Variants in CREB5 observed in about 807,000 individuals in gnomAD.
CREB5 encodes cAMP responsive element binding protein 5, also known as cyclic AMP-responsive element-binding protein 5.
CREB5 carries 19 observed loss-of-function variants against 57.1 expected under a neutral mutation model. The observed-to-expected ratio is 0.33, with a 90% CI of 0.23 to 0.49. CREB5 has a LOEUF of 0.49. Among genes scored for constraint, CREB5 ranks in the 20% least tolerant of loss-of-function variants. The pLI is 0.99. For missense variants in CREB5, 579 were observed against 671.6 expected, an observed-to-expected ratio of 0.86 and a Z score of 1.52; for synonymous variants, 238 against 238.3, an observed-to-expected ratio of 1.00 and a Z score of 0.01.
intron 5 of CREB5, among the ~76,000 whole-genome samples, chr7:28,714,126 T>G (rs1179292334): frequency 6.6e-6 from 1 of 151,850 alleles, no homozygotes; most frequent in Non-Finnish European, 1.5e-5. Context: ...CCTGGCTAGT[T>G]TTTGTGTATT....
At chr7:28,487,539 C>T (rs1791616856) in intron 1 of CREB5, among the ~76,000 whole-genome samples, 1 of 152,180 alleles carries the variant, frequency 6.6e-6, no homozygotes, top group Admixed American at 6.5e-5. Flanking sequence ...CTACTTACTC[C>T]TGCGTACTTG....
At chr7:28,321,618 G>A (rs1258096698) in intron 1 of CREB5, among the ~76,000 whole-genome samples, 2 of 152,152 alleles carry the variant, frequency 1.3e-5, no homozygotes, top group East Asian at 1.9e-4. Flanking sequence ...TTTGCCAGGG[G>A]TGAGGTGACA....
At chr7:28,771,132 T>C (rs1806299762) in intron 7 of CREB5, among the ~76,000 whole-genome samples, 1 of 152,218 alleles carries the variant, frequency 6.6e-6, no homozygotes, top group South Asian at 2.1e-4. Context: ...ACTAATTAGT[T>C]TCTTTCTTTG....
intron 5 of CREB5, among the ~76,000 whole-genome samples, chr7:28,712,707 T>C (rs1284992763): frequency 6.6e-6 from 1 of 151,616 alleles, no homozygotes; most frequent in East Asian, 2.0e-4. Flanking sequence ...CTAATTTTTG[T>C]ATTTTTAGCA....
chr7:28,760,467 T>G (rs1322339090), intron 7 of CREB5, among the ~76,000 whole-genome samples: 1 of 152,216 alleles, frequency 6.6e-6, no homozygotes, highest in African/African-American at 2.4e-5. Flanking sequence ...CCAAAGTTTT[T>G]TCTTCAACCG....
chr7:28,561,001 TGTGC>T lies in CREB5; in HGVS notation c.292-9360_292-9357del, dbSNP rs1430087467. On this transcript the variant is annotated intron_variant, in intron 4 of 10. Coordinates refer to ENST00000357727, the MANE Select transcript of CREB5 (RefSeq NM_182898.4). ...GTGTGCGTGCGTGTGTGTGCCTGCG[TGTGC>T]GTGTGTGTGTGCGTGTGTGCGTGTG... Among the ~76,000 whole-genome samples the T allele has an allele frequency of 2.2e-3, 56 of 25,264 alleles. 10 individuals carry two copies. Among genetic ancestry groups the T allele is most frequent in the African/African-American group, 4.7e-3 (35 of 7,430 alleles). 16.6% of individuals were successfully genotyped at this position (25,264 alleles called of 152,430 possible).
chr7:28,560,957 T>TGTGTGCGTGCGTGCGC lies in CREB5; in HGVS notation c.292-9405_292-9404insTGCGTGCGTGCGCGTG, dbSNP rs1562798107. On this transcript the variant is annotated intron_variant, in intron 4 of 10. Coordinates refer to ENST00000357727, the MANE Select transcript of CREB5 (RefSeq NM_182898.4). Reference sequence around the variant, plus strand: ...GTGTGCGTGCGTGTGTGTGCGTGTGTGTGCGTGTGTGTGTGCGTGTGTGCG... The same window carrying TGTGTGCGTGCGTGCGC: ...GTGTGCGTGCGTGTGTGTGCGTGTGTGTGTGCGTGCGTGCGCGTGCGTGTGTGTGTGCGTGTGTGCG... Among the ~76,000 whole-genome samples, 3 of 43,452 alleles carry TGTGTGCGTGCGTGCGC rather than the reference T, an allele frequency of 6.9e-5. No homozygotes were observed. The Admixed American group carries it at 7.5e-4, about 11-fold the overall frequency. 28.5% of individuals were successfully genotyped at this position (43,452 alleles called of 152,430 possible). A position where few individuals can be genotyped will look rare whatever the true frequency, so the allele number is the denominator to read the frequency against.
At chr7:28,557,357 A>T (rs1794920651) in intron 4 of CREB5, among the ~76,000 whole-genome samples, 1 of 152,246 alleles carries the variant, frequency 6.6e-6, no homozygotes, top group Non-Finnish European at 1.5e-5. Context: ...AGGGGATTAT[A>T]TACGAAAATG....
chr7:28,677,287 G>T (rs562524303), intron 5 of CREB5, among the ~76,000 whole-genome samples: 30 of 152,112 alleles, frequency 2.0e-4, no homozygotes, highest in African/African-American at 6.8e-4. Context: ...AATCTCTGGG[G>T]AGTTTTGCTT....
chr7:28,432,022 T>C (rs941243303), intron 1 of CREB5, among the ~76,000 whole-genome samples: 1 of 151,332 alleles, frequency 6.6e-6, no homozygotes, highest in African/African-American at 2.4e-5. Flanking sequence ...TTGTTGATTC[T>C]GATCGAATTA....
At chr7:28,771,001 A>G (rs558813522) in intron 7 of CREB5, among the ~76,000 whole-genome samples, 80 of 152,350 alleles carry the variant, frequency 5.3e-4, no homozygotes, top group African/African-American at 1.8e-3. Context: ...CAAAATATAT[A>G]TGATAGCAAA....
intron 5 of CREB5, among the ~76,000 whole-genome samples, chr7:28,673,765 T>C (rs953824838): frequency 1.4e-5 from 2 of 146,356 alleles, no homozygotes; most frequent in Non-Finnish European, 3.0e-5. Flanking sequence ...CTCCACCTAC[T>C]TAGGCTCAAG....
intron 3 of CREB5, among the ~76,000 whole-genome samples, chr7:28,499,585 C>G (rs1389110750): frequency 6.6e-6 from 1 of 152,032 alleles, no homozygotes; most frequent in East Asian, 1.9e-4. Context: ...AACCGTGTGT[C>G]TTTTTGTTTT....
At chr7:28,621,211 G>A (rs957548310) in intron 5 of CREB5, among the ~76,000 whole-genome samples, 8 of 151,984 alleles carry the variant, frequency 5.3e-5, no homozygotes, top group African/African-American at 1.9e-4. Context: ...GGGGTCACAG[G>A]GCATCCACAT....
At chr7:28,327,845 A>T (rs899862445) in intron 1 of CREB5, among the ~76,000 whole-genome samples, 3 of 152,224 alleles carry the variant, frequency 2.0e-5, no homozygotes, top group Non-Finnish European at 4.4e-5. Flanking sequence ...TGTGTGGCAG[A>T]TAAGATGGCT....
chr7:28,783,859 C>CTT (rs1807142259), intron 7 of CREB5, among the ~76,000 whole-genome samples: 1 of 152,234 alleles, frequency 6.6e-6, no homozygotes, highest in South Asian at 2.1e-4. Context: ...CATAGATTTT[C>CTT]TTAAACAAGC....
At chr7:28,363,965 G>A (rs1786537020) in intron 1 of CREB5, among the ~76,000 whole-genome samples, 2 of 152,160 alleles carry the variant, frequency 1.3e-5, no homozygotes, top group Admixed American at 6.6e-5. Context: ...ATTTACAAGA[G>A]CAGTGTTTGT....
In CREB5 at chr7:28,340,354, G is replaced by T. The variant is rs148742139; in HGVS notation, c.-25+40913G>T. 6.8e-3 allele frequency among the ~76,000 whole-genome samples: 1,038 copies of T among 152,320 alleles called. 13 individuals carry two copies. The highest frequency in any genetic ancestry group is 0.017 in the Admixed American group (265 of 15,302). ...GACCCAACAACTCTTTAGTCAGCAG[G>T]TGATAAATTCTGCCAGGACTGGGTG... On this transcript the variant is annotated intron_variant, in intron 1 of 9. Transcript: ENST00000396299.
At chr7:28,450,651 C>G (rs1177407247) in intron 1 of CREB5, among the ~76,000 whole-genome samples, 1 of 152,172 alleles carries the variant, frequency 6.6e-6, no homozygotes, top group Non-Finnish European at 1.5e-5. Flanking sequence ...GTTTTCACCC[C>G]CTGCTCTCTG....
Sources: allele counts gnomAD v4.1 joint callset (sites outside exome capture counted in the v4.1 genomes callset), GRCh38; gene constraint gnomAD v4.1.1; transcripts MANE v1.5; gene names NCBI Gene and HGNC (gene_info 2026-07-23, HGNC 2026-07-21).